The following CSMD2 variants were observed in gnomAD, a reference collection of about 807,000 sequenced individuals.
CSMD2 encodes the protein CUB and Sushi multiple domains 2.
Under a neutral mutation model 398.5 loss-of-function variants are expected in CSMD2, and 130 were observed. The ratio of observed to expected loss-of-function variants is 0.33; its 90% CI spans 0.28 to 0.38. The LOEUF (loss-of-function observed/expected upper bound fraction) is 0.38. CSMD2 is among the 10% of genes least tolerant of loss of function. CSMD2 has a pLI of 1.00. For synonymous variants in CSMD2, 1,828 were observed against 1,908.5 expected (o/e 0.96, Z 1.10); for missense variants, 3,829 against 4,764.9 (o/e 0.80, Z 5.78).
At chr1:33,697,990 A>AG (rs1470845492) in intron 24 of CSMD2, among the ~76,000 whole-genome samples, 3 of 152,192 alleles carry the variant, frequency 2.0e-5, no homozygotes, top group Non-Finnish European at 4.4e-5. Flanking sequence ...GACATGGGGA[A>AG]GGGGGTGGAG....
At chr1:33,882,600 A>G (rs1006457341) in intron 5 of CSMD2, among the ~76,000 whole-genome samples, 3 of 152,202 alleles carry the variant, frequency 2.0e-5, no homozygotes, top group Admixed American at 6.5e-5. Context: ...ATTCCCCATT[A>G]ATGCCATGAG....
intron 1 of CSMD2, among the ~76,000 whole-genome samples, chr1:34,116,296 GA>G (rs1661591874): frequency 6.6e-6 from 1 of 151,866 alleles, no homozygotes; most frequent in South Asian, 2.1e-4. Context: ...TGATAGAATA[GA>G]AAAAGATTTT....
intron 1 of CSMD2, among the ~76,000 whole-genome samples, chr1:34,126,706 C>T (rs548309820): frequency 3.3e-5 from 5 of 152,118 alleles, no homozygotes; most frequent in Admixed American, 6.5e-5. Flanking sequence ...CACTGATTCT[C>T]GCTGTCAGGG....
At chr1:34,009,734 G>A (rs1312019924) in intron 3 of CSMD2, among the ~76,000 whole-genome samples, 1 of 151,950 alleles carries the variant, frequency 6.6e-6, no homozygotes, top group Non-Finnish European at 1.5e-5. Context: ...CTGACTTCTT[G>A]GACATTCTGC....
chr1:33,703,051 TGTCTATTC>T (rs1486638868), intron 22 of CSMD2, among the ~76,000 whole-genome samples: 2 of 152,222 alleles, frequency 1.3e-5, no homozygotes, highest in African/African-American at 4.8e-5. Flanking sequence ...TTTGTCTATT[TGTCTATTC>T]CTGTGCATGA....
chr1:33,781,501 C>G (rs576531561), intron 12 of CSMD2, among the ~76,000 whole-genome samples: 1 of 152,328 alleles, frequency 6.6e-6, no homozygotes. Flanking sequence ...GTTGAACAAA[C>G]AGATGAGCTC....
intron 3 of CSMD2, among the ~76,000 whole-genome samples, chr1:34,019,730 G>A (rs1246687125): frequency 6.6e-6 from 1 of 152,060 alleles, no homozygotes; most frequent in Non-Finnish European, 1.5e-5. Context: ...TTCAGCGATG[G>A]TCCCCTTCTT....
chr1:34,060,576 T>C (rs1425172592), intron 2 of CSMD2, among the ~76,000 whole-genome samples: 1 of 151,338 alleles, frequency 6.6e-6, no homozygotes. Flanking sequence ...GAATTCCTTC[T>C]CATCTAGAGC....
Position 33,736,165 on chromosome 1 carries a change from C to T in CSMD2, c.2368+2975G>A, listed in dbSNP as rs543812074. On this transcript the variant is annotated intron_variant, in intron 15 of 70. Coordinates refer to ENST00000373381, the MANE Select transcript of CSMD2 (RefSeq NM_001281956.2). ...CTACTGCCCCAACCCTACAGCATTTCCCCCTCCAGGGACAGAATGAAAAAG... is the reference window on the plus strand; with the variant it reads ...CTACTGCCCCAACCCTACAGCATTTTCCCCTCCAGGGACAGAATGAAAAAG... Among the ~76,000 whole-genome samples the T allele has an allele frequency of 7.2e-5, 11 of 152,306 alleles. No individual in the cohort carries two copies. The East Asian group carries it at 2.1e-3, about 29-fold the overall frequency.
chr1:33,759,319 T>TC (rs1649481757), intron 13 of CSMD2, among the ~76,000 whole-genome samples: 1 of 129,424 alleles, frequency 7.7e-6, no homozygotes, highest in African/African-American at 3.5e-5. Flanking sequence ...CTTTTCTTTT[T>TC]TTTTCTTTTT....
intron 12 of CSMD2, among the ~76,000 whole-genome samples, chr1:33,785,655 G>T (rs542932894): frequency 6.6e-6 from 1 of 152,182 alleles, no homozygotes; most frequent in Non-Finnish European, 1.5e-5. Flanking sequence ...AGAAACAGAG[G>T]CAGGGTGGTC....
chr1:33,652,542 G>T, intron 27 of CSMD2, 81 bp from the exon 28 acceptor site: 1 of 1,521,792 alleles, frequency 6.6e-7, no homozygotes, highest in South Asian at 1.2e-5. Context: ...GCACTATTGA[G>T]AGAGGAGAGG....
chr1:33,974,344 T>C (rs954336213), intron 3 of CSMD2, among the ~76,000 whole-genome samples: 4 of 152,118 alleles, frequency 2.6e-5, no homozygotes, highest in Non-Finnish European at 4.4e-5. Context: ...ACAGAGGAGA[T>C]TCCTCCCACT....
At chr1:33,744,863 C>T (rs968636103) in intron 13 of CSMD2, among the ~76,000 whole-genome samples, 1 of 152,196 alleles carries the variant, frequency 6.6e-6, no homozygotes. Context: ...GCATTTATTG[C>T]CAATTGCAGA....
intron 3 of CSMD2, among the ~76,000 whole-genome samples, chr1:33,944,476 G>T (rs1210625373): frequency 6.6e-6 from 1 of 152,140 alleles, no homozygotes; most frequent in East Asian, 1.9e-4. Context: ...GGAAGGGCTT[G>T]TGTATTTATA....
intron 2 of CSMD2, among the ~76,000 whole-genome samples, chr1:34,081,076 G>T (rs1252954301): frequency 6.6e-6 from 1 of 152,086 alleles, no homozygotes; most frequent in East Asian, 1.9e-4. Context: ...TAATAGACTT[G>T]ACACTCTCAA....
At chr1:33,556,775 TAGTG>T (rs1371334231) in intron 55 of CSMD2, among the ~76,000 whole-genome samples, 1 of 152,176 alleles carries the variant, frequency 6.6e-6, no homozygotes, top group Non-Finnish European at 1.5e-5. Flanking sequence ...ATTCTCATGA[TAGTG>T]AGTGAGTTTT....
At chr1:34,124,361 G>A (rs1015713661) in intron 1 of CSMD2, among the ~76,000 whole-genome samples, 1 of 152,200 alleles carries the variant, frequency 6.6e-6, no homozygotes, top group African/African-American at 2.4e-5. Flanking sequence ...GGTGGACTAG[G>A]AGAAAGGGAA....
chr1:33,853,371 G>T (rs993375936), intron 5 of CSMD2, among the ~76,000 whole-genome samples: 3 of 152,202 alleles, frequency 2.0e-5, no homozygotes, highest in Admixed American at 2.0e-4. Flanking sequence ...ACCCAGTGGG[G>T]TACAGTTGTC....
Sources: allele counts gnomAD v4.1 joint callset (sites outside exome capture counted in the v4.1 genomes callset), GRCh38; gene constraint gnomAD v4.1.1; transcripts MANE v1.5; gene names NCBI Gene and HGNC (gene_info 2026-07-23, HGNC 2026-07-21).